The following CES5A variants were observed in gnomAD, a reference collection of about 807,000 sequenced individuals.
The protein encoded by CES5A is carboxylesterase 5A.
A neutral mutation model predicts 62.9 loss-of-function variants in CES5A; 67 were observed. That is an observed-to-expected ratio of 1.07 (90% confidence interval 0.88 to 1.31). The LOEUF (loss-of-function observed/expected upper bound fraction) is 1.31. Among genes scored for constraint, CES5A ranks in the 50% most tolerant of loss-of-function variants. The pLI is 0.00. For missense variants in CES5A, 748 were observed against 708.5 expected, an observed-to-expected ratio of 1.06 and a Z score of -0.63; for synonymous variants, 296 against 280.8, an observed-to-expected ratio of 1.05 and a Z score of -0.54.
At chr16:55,884,723 C>G (rs1194212818) in intron 1 of CES5A, among the ~76,000 whole-genome samples, 1 of 152,178 alleles carries the variant, frequency 6.6e-6, no homozygotes, top group African/African-American at 2.4e-5. Context: ...TCCCAAGTAG[C>G]TTTGACTACA....
chr16:55,864,780 A>T (rs1280295659), intron 5 of CES5A, among the ~76,000 whole-genome samples: 35 of 152,206 alleles, frequency 2.3e-4, no homozygotes, highest in African/African-American at 8.4e-4. Context: ...ATGGTGGCGC[A>T]TGCCTGTAGT....
At chr16:55,871,934 A>T (rs899050009) in intron 2 of CES5A, 171 bp from the exon 3 acceptor site, 8 of 615,166 alleles carry the variant, frequency 1.3e-5, no homozygotes, top group African/African-American at 1.3e-4. Flanking sequence ...TTCCAAAACA[A>T]ACAAGCAAGC....
At chr16:55,951,693 A>C (rs1263200106) in intron 1 of CES5A, among the ~76,000 whole-genome samples, 1 of 152,178 alleles carries the variant, frequency 6.6e-6, no homozygotes, top group Non-Finnish European at 1.5e-5. Context: ...CAATGAAAGA[A>C]AGTAGGGGGA....
At position 55,861,474 on chromosome 16, in the gene CES5A, AGT is replaced by A; in HGVS notation, c.851_852del (p.Asp284ValfsTer2). ...VAHFCGNNAS[D>X]SEALLRCLRT... The stretch of plus-strand genomic sequence containing the variant: ...CTCAGGCACCTCAGCAGGGCCTCAG[AGT>A]CTGACGCATTGTTACCACAGAAATG... On this transcript the variant is annotated frameshift_variant, in exon 7 of 13. Coordinates refer to ENST00000290567, the MANE Select transcript of CES5A (RefSeq NM_001143685.2). LOFTEE classifies it high-confidence loss of function. 6.2e-7 allele frequency: 1 copy of A among 1,613,988 alleles called. No individual in the cohort carries two copies. Among genetic ancestry groups the A allele is most frequent in the Non-Finnish European group, 8.5e-7 (1 of 1,179,858 alleles).
At chr16:55,896,192 A>G (rs2033932421) in intron 1 of CES5A, among the ~76,000 whole-genome samples, 2 of 152,010 alleles carry the variant, frequency 1.3e-5, no homozygotes, top group Admixed American at 1.3e-4. Context: ...GTGCAGGGGA[A>G]CTCTCCTTTA....
chr16:55,933,132 A>G (rs1477656879), intron 2 of CES5A, among the ~76,000 whole-genome samples: 1 of 152,226 alleles, frequency 6.6e-6, no homozygotes, highest in Non-Finnish European at 1.5e-5. Context: ...TTCAAGGCCT[A>G]TCAGGGAAAG....
intron 9 of CES5A, among the ~76,000 whole-genome samples, chr16:55,854,537 T>TTTTTC (rs2033198597): frequency 2.7e-4 from 9 of 33,908 alleles, no homozygotes; most frequent in Middle Eastern, 9.8e-3. Flanking sequence ...GTTTCTTTTT[T>TTTTTC]TTTTTTCTTT....
chr16:55,864,176 TC>T (rs2033410360), intron 5 of CES5A, among the ~76,000 whole-genome samples: 2 of 152,312 alleles, frequency 1.3e-5, no homozygotes, highest in South Asian at 4.1e-4. Flanking sequence ...GAGGTTCTGG[TC>T]AAATTTTGCT....
intron 1 of CES5A, among the ~76,000 whole-genome samples, chr16:55,911,799 G>A (rs2034095927): frequency 6.6e-6 from 1 of 152,144 alleles, no homozygotes; most frequent in Admixed American, 6.5e-5. Context: ...CCAGAATCCA[G>A]GGTCCTGGCC....
chr16:55,905,413 C>A (rs2034030925), intron 1 of CES5A, among the ~76,000 whole-genome samples: 1 of 150,980 alleles, frequency 6.6e-6, no homozygotes, highest in African/African-American at 2.4e-5. Context: ...GTCACCCAGG[C>A]TGGAGTTCAG....
intron 2 of CES5A, among the ~76,000 whole-genome samples, chr16:55,938,053 C>T (rs929209562): frequency 3.9e-5 from 6 of 152,166 alleles, no homozygotes; most frequent in African/African-American, 1.4e-4. Flanking sequence ...TTCTCCTCCT[C>T]GAATACTGAG....
chr16:55,865,114 G>C (rs1358234948), intron 5 of CES5A, among the ~76,000 whole-genome samples: 6 of 152,182 alleles, frequency 3.9e-5, no homozygotes, highest in Admixed American at 1.3e-4. Flanking sequence ...GCTGAGGCAA[G>C]AGAATTGGTT....
chr16:55,867,202 T>A (rs1401507406), intron 4 of CES5A, among the ~76,000 whole-genome samples: 1 of 152,176 alleles, frequency 6.6e-6, no homozygotes, highest in Non-Finnish European at 1.5e-5. Flanking sequence ...TCCCTTCCAC[T>A]AAACCTGTGA....
upstream of CES5A, among the ~76,000 whole-genome samples, chr16:55,878,574 C>T (rs2033722633): frequency 6.6e-6 from 1 of 150,922 alleles, no homozygotes; most frequent in East Asian, 1.9e-4. Flanking sequence ...GCTACCCCAT[C>T]ACTGTACCCC....
intron 2 of CES5A, among the ~76,000 whole-genome samples, chr16:55,945,864 C>T (rs1405646233): frequency 6.6e-6 from 1 of 152,110 alleles, no homozygotes; most frequent in Non-Finnish European, 1.5e-5. Flanking sequence ...TACTATCACT[C>T]AGTCAGGCTC....
At chr16:55,866,218 G>A (rs1870039) in intron 4 of CES5A, 102 bp from the exon 5 acceptor site, 39 of 1,140,768 alleles carry the variant, frequency 3.4e-5, no homozygotes, top group Non-Finnish European at 4.7e-5. Context: ...TCAGTGGGGA[G>A]GGGGCGGAGA....
chr16:55,905,650 G>A lies in CES5A; in HGVS notation c.-256+19673C>T, dbSNP rs115664421. ...GCTAGGATTACAGGCATGAGCCACC[G>A]TGCCTGGCCCTAAATCTGATTTTTA... On this transcript the variant is annotated intron_variant, in intron 1 of 12. Coordinates refer to the CES5A transcript ENST00000518005. Among the ~76,000 whole-genome samples the A allele has an allele frequency of 2.8e-3, 429 of 152,098 alleles. 1 individual carries two copies. Among genetic ancestry groups the A allele is most frequent in the African/African-American group, 9.3e-3 (386 of 41,502 alleles).
chr16:55,862,939 G>A (rs3848302), intron 6 of CES5A, among the ~76,000 whole-genome samples: 151,526 of 152,338 alleles, frequency 0.99, 75,371 homozygotes, highest in Middle Eastern at 1. Context: ...GCCAGACAAC[G>A]TGAATCAGTC....
At chr16:55,949,336 G>A (rs2034529852) in intron 2 of CES5A, among the ~76,000 whole-genome samples, 1 of 152,228 alleles carries the variant, frequency 6.6e-6, no homozygotes, top group Non-Finnish European at 1.5e-5. Flanking sequence ...AGTTGGGGCA[G>A]AAGGCTGAGA....
Sources: allele counts gnomAD v4.1 joint callset (sites outside exome capture counted in the v4.1 genomes callset), GRCh38; gene constraint gnomAD v4.1.1; transcripts MANE v1.5; gene names NCBI Gene and HGNC (gene_info 2026-07-23, HGNC 2026-07-21).